PAX5: variants seen among roughly 807,000 people sequenced by gnomAD.
PAX5 encodes the protein paired box 5, also known as paired box protein Pax-5.
In PAX5, 9 loss-of-function variants were observed where a neutral mutation model predicts 43.7. That is an observed-to-expected ratio of 0.21 (90% CI 0.12 to 0.36). The LOEUF (loss-of-function observed/expected upper bound fraction) is 0.36, where lower values mean the gene tolerates loss of function less well. Ranked by LOEUF, PAX5 falls within the 10% of genes least tolerant of loss-of-function variation. The probability of loss-of-function intolerance (pLI) is 1.00; values close to 1 mark genes in which losing one functional copy is unlikely to be tolerated. For missense variants in PAX5, 383 were observed against 532.7 expected, an observed-to-expected ratio of 0.72 and a Z score of 2.77; for synonymous variants, 228 against 214.3, an observed-to-expected ratio of 1.06 and a Z score of -0.56.
intron 8 of PAX5, among the ~76,000 whole-genome samples, chr9:36,863,991 C>A (rs923621053): frequency 6.6e-6 from 1 of 152,178 alleles, no homozygotes; most frequent in Admixed American, 6.5e-5. Context: ...TGCCTGTAGT[C>A]CCAGCTACTC....
chr9:36,940,282 T>C (rs1375570654), intron 6 of PAX5, among the ~76,000 whole-genome samples: 5 of 152,268 alleles, frequency 3.3e-5, no homozygotes, highest in African/African-American at 1.2e-4. Context: ...ACACAAAAAT[T>C]ATTTAGGCGC....
chr9:36,976,884 G>T (rs1418611564), intron 5 of PAX5, among the ~76,000 whole-genome samples: 2 of 152,118 alleles, frequency 1.3e-5, no homozygotes, highest in African/African-American at 4.8e-5. Context: ...ATCTGTCAGG[G>T]GCCAGACAGC....
chr9:36,929,251 A>T (rs1269461456), intron 6 of PAX5, among the ~76,000 whole-genome samples: 1 of 35,902 alleles, frequency 2.8e-5, no homozygotes, highest in Non-Finnish European at 6.3e-5. Context: ...GGAAGGAAGG[A>T]AGGAAGGAAG....
intron 8 of PAX5, among the ~76,000 whole-genome samples, chr9:36,879,913 A>G (rs557420903): frequency 7.2e-5 from 11 of 152,326 alleles, no homozygotes; most frequent in Non-Finnish European, 1.3e-4. Flanking sequence ...GATCTGCCAC[A>G]GGTCCATCCT....
In PAX5 at chr9:37,015,173, G is replaced by A. The variant is rs139492230; in HGVS notation, c.234C>T (p.Ile78=). The A allele has an allele frequency of 3.7e-6, 6 of 1,613,986 alleles. No individual in the cohort carries two copies. In the African/African-American group the frequency reaches 5.3e-5, roughly 14 times the overall value. Residue 78 remains isoleucine, a synonymous_variant, in exon 3 of 10, where the codon ATC becomes ATT. Transcript: ENST00000358127. This position sits in a 1 kb window ranked among gnomAD's most constrained non-coding sequence, Gnocchi z 4.4. ...ILGRYYETGS[I]KPGVIGGSKP... The stretch of plus-strand genomic sequence containing the variant: ...TGGATCCTCCAATTACCCCAGGCTT[G>A]ATGCTTCCTGTCTCATAATACCTAG...
chr9:36,987,926 G>A (rs1836579519), intron 5 of PAX5, among the ~76,000 whole-genome samples: 1 of 152,162 alleles, frequency 6.6e-6, no homozygotes, highest in Non-Finnish European at 1.5e-5. Flanking sequence ...CTGACCAATC[G>A]TCCTTTTCAG....
At chr9:36,875,076 G>A (rs1356681620) in intron 8 of PAX5, among the ~76,000 whole-genome samples, 1 of 152,192 alleles carries the variant, frequency 6.6e-6, no homozygotes. Context: ...CAGAACCAGG[G>A]AGTCTGGCTC....
rs947688968 is a variant in PAX5 at position 36,840,384 on chromosome 9, C to T, written c.*176G>A. On this transcript the variant is annotated 3_prime_UTR_variant, in exon 10 of 10. Transcript: ENST00000358127. Reference sequence around the variant, plus strand: ...AATAGACAAGCATCCAGAAGTCCAACGGCCCCACCAAAGGGCCCCAGAGTC... The same window carrying T: ...AATAGACAAGCATCCAGAAGTCCAATGGCCCCACCAAAGGGCCCCAGAGTC... The T allele has an allele frequency of 1.9e-5, 13 of 669,260 alleles. No homozygotes were observed. Among genetic ancestry groups the T allele is most frequent in the African/African-American group, 1.6e-4 (9 of 55,668 alleles). 41.5% of individuals were successfully genotyped at this position (669,260 alleles called of 1,614,324 possible). A position where few individuals can be genotyped will look rare whatever the true frequency, so the allele number is the denominator to read the frequency against.
At position 36,982,186 on chromosome 9, in the gene PAX5, C is replaced by T. The variant is rs1835994756; in HGVS notation, c.605-15462G>A. Among the ~76,000 whole-genome samples the T allele has an allele frequency of 2.6e-5, 4 of 152,170 alleles. No homozygotes were observed. In the South Asian group the frequency reaches 6.2e-4, roughly 24 times the overall value. On this transcript the variant is annotated intron_variant, in intron 5 of 9. Coordinates refer to ENST00000358127, the MANE Select transcript of PAX5 (RefSeq NM_016734.3). The stretch of plus-strand genomic sequence containing the variant: ...GGCTGAGGCAGGAGAATCGCTTGAA[C>T]CCAGGAAGCAGAGGTTGCAGTGAGC...
At chr9:36,988,784 T>C (rs1248277607) in intron 5 of PAX5, among the ~76,000 whole-genome samples, 1 of 152,188 alleles carries the variant, frequency 6.6e-6, no homozygotes, top group East Asian at 1.9e-4. Flanking sequence ...CACTTTGCTC[T>C]GATAATAGAA....
At position 36,882,011 on chromosome 9, in the gene PAX5, C is replaced by T. The variant is rs2131762322; in HGVS notation, c.1005G>A (p.Met335Ile). Residue 335 changes from methionine to isoleucine, a missense_variant, in exon 8 of 10, where the codon ATG (methionine) becomes ATA (isoleucine). Around this residue, in one of 5 missense-constraint regions of PAX5, gnomAD observed 291 missense variants for 342.5 expected, o/e 0.85. Transcript: ENST00000358127. This position sits in a 1 kb window ranked among gnomAD's most constrained non-coding sequence, Gnocchi z 4.4. ...GSYSAPTLTG[M>I]VPGSEFSGSP... ...CCGACAGTGCAAACTCACCAGGCAC[C>T]ATCCCTGTCAGCGTCGGTGCTGAGT... 1.2e-6 allele frequency: 2 copies of T among 1,611,198 alleles called. No homozygotes were observed. The highest frequency in any genetic ancestry group is 1.7e-6 in the Non-Finnish European group (2 of 1,178,788).
rs574433911 is a variant in PAX5 at position 36,840,654 on chromosome 9, G to C, written c.1100-18C>G. ...GGGGGAGCCTGGAAGAGACGGGAGA[G>C]AGCACCGAGGTCAGATCCGGGGTCC... On this transcript the variant is annotated intron_variant, in intron 9 of 9. Coordinates refer to ENST00000358127, the MANE Select transcript of PAX5 (RefSeq NM_016734.3). 4.6e-6 allele frequency: 7 copies of C among 1,514,174 alleles called. No individual in the cohort carries two copies. In the East Asian group the frequency reaches 7.1e-5, roughly 15 times the overall value. 93.8% of individuals were successfully genotyped at this position (1,514,174 alleles called of 1,614,324 possible).
At chr9:36,875,928 G>A (rs1005003819) in intron 8 of PAX5, among the ~76,000 whole-genome samples, 3 of 152,222 alleles carry the variant, frequency 2.0e-5, no homozygotes, top group Non-Finnish European at 2.9e-5. Context: ...ATCAGAGGGA[G>A]AAAAGTGTCT....
At chr9:36,982,906 G>A (rs568437308) in intron 5 of PAX5, among the ~76,000 whole-genome samples, 2 of 152,160 alleles carry the variant, frequency 1.3e-5, no homozygotes, top group African/African-American at 2.4e-5. Flanking sequence ...AGTGGTTGTC[G>A]GTAAGCATGA....
At chr9:37,013,058 T>C (rs11787856) in intron 3 of PAX5, among the ~76,000 whole-genome samples, 15 of 151,870 alleles carry the variant, frequency 9.9e-5, no homozygotes, top group Non-Finnish European at 2.1e-4. Flanking sequence ...GATACCAGCC[T>C]GGGCAACATA....
chr9:37,004,705 G>A (rs1838235381), intron 4 of PAX5, among the ~76,000 whole-genome samples: 1 of 152,208 alleles, frequency 6.6e-6, no homozygotes, highest in African/African-American at 2.4e-5. Context: ...AAAAAACAGA[G>A]GAAGAAAGAA....
At chr9:37,000,197 AC>A (rs1259482531) in intron 5 of PAX5, among the ~76,000 whole-genome samples, 1 of 151,908 alleles carries the variant, frequency 6.6e-6, no homozygotes, top group African/African-American at 2.4e-5. Context: ...CTTATGCAAT[AC>A]CCCCGACAGA....
Position 36,884,927 on chromosome 9 carries a change from C to T in PAX5, c.911-2822G>A, listed in dbSNP as rs139023654. ...GTGCTCAGAGGAGCTGGCACATGGC[C>T]GCATGCACTCTACACATCACTCTGC... On this transcript the variant is annotated intron_variant, in intron 7 of 9. Coordinates refer to ENST00000358127, the MANE Select transcript of PAX5 (RefSeq NM_016734.3). Among the ~76,000 whole-genome samples, 390 of 152,328 alleles carry T rather than the reference C, an allele frequency of 2.6e-3. 1 individual carries two copies. Among genetic ancestry groups the T allele is most frequent in the African/African-American group, 9.0e-3 (374 of 41,572 alleles).
chr9:36,856,248 G>C (rs1364377659), intron 8 of PAX5, among the ~76,000 whole-genome samples: 1 of 152,236 alleles, frequency 6.6e-6, no homozygotes, highest in African/African-American at 2.4e-5. Context: ...ATCCATGCTG[G>C]AAAGAATTAG....
Sources: gnomAD v4.1 joint callset for allele counts (sites outside exome capture counted in the v4.1 genomes callset) on GRCh38, gnomAD v4.1.1 for gene constraint, gnomAD v4.1.1 regional missense constraint, Gnocchi (gnomAD v3.1) non-coding constraint, MANE v1.5 for transcripts, NCBI Gene and HGNC (gene_info 2026-07-23, HGNC 2026-07-21) for gene names.